PDC: variants seen among roughly 807,000 people sequenced by gnomAD.
The protein encoded by PDC is 33 kDa phototransducing protein.
PDC carries 19 observed loss-of-function variants against 22.2 expected under a neutral mutation model. The ratio of observed to expected loss-of-function variants is 0.86; its 90% CI spans 0.60 to 1.26. The LOEUF (loss-of-function observed/expected upper bound fraction) is 1.26, where lower values mean the gene tolerates loss of function less well. Among genes scored for constraint, PDC ranks in the 50% most tolerant of loss-of-function variants. The pLI is 0.00. For missense variants in PDC, 274 were observed against 286.8 expected, an observed-to-expected ratio of 0.96 and a Z score of 0.32; for synonymous variants, 97 against 96.2, an observed-to-expected ratio of 1.01 and a Z score of -0.05.
intron 2 of PDC, 66 bp downstream of exon 2, chr1:186,449,333 A>G: frequency 1.1e-6 from 1 of 893,196 alleles, no homozygotes; most frequent in Non-Finnish European, 1.8e-6. Context: ...AGTGTCAATA[A>G]GAACATTAGA....
intron 3 of PDC, among the ~76,000 whole-genome samples, chr1:186,446,128 A>G (rs1662222703): frequency 6.6e-6 from 1 of 152,188 alleles, no homozygotes; most frequent in Non-Finnish European, 1.5e-5. Flanking sequence ...ATGTTTTCAA[A>G]ACAAGTGGAG....
intron 1 of PDC, chr1:186,451,712 CT>C (rs1209786081): frequency 1.3e-5 from 2 of 152,138 alleles, no homozygotes; most frequent in African/African-American, 2.4e-5. Flanking sequence ...AAAGAAATTC[CT>C]TTTCCAGAAA....
In PDC at chr1:186,443,836, A is replaced by G. The variant is rs775415727; in HGVS notation, c.*143T>C. 3.1e-6 allele frequency: 2 copies of G among 642,802 alleles called. No homozygotes were observed. Among genetic ancestry groups the G allele is most frequent in the Admixed American group, 2.7e-5 (1 of 36,804 alleles). 39.8% of individuals were successfully genotyped at this position (642,802 alleles called of 1,614,324 possible). A position where few individuals can be genotyped will look rare whatever the true frequency, so the allele number is the denominator to read the frequency against. On this transcript the variant is annotated 3_prime_UTR_variant, in exon 4 of 4. Coordinates refer to ENST00000391997, the MANE Select transcript of PDC (RefSeq NM_002597.5). ...GAGTAACTAATACTAAGAAATGCTAATAACTCGATTGTTGCATCAGTCATT... is the reference window on the plus strand; with the variant it reads ...GAGTAACTAATACTAAGAAATGCTAGTAACTCGATTGTTGCATCAGTCATT...
intron 1 of PDC, among the ~76,000 whole-genome samples, chr1:186,456,721 CTG>C (rs1359664557): frequency 6.6e-6 from 1 of 152,128 alleles, no homozygotes; most frequent in Non-Finnish European, 1.5e-5. Context: ...GAATAAGAAA[CTG>C]TTTCAGAGAA....
At chr1:186,457,686 A>G (rs1206797987) in intron 1 of PDC, among the ~76,000 whole-genome samples, 1 of 152,192 alleles carries the variant, frequency 6.6e-6, no homozygotes, top group Non-Finnish European at 1.5e-5. Context: ...TGGTGGTATC[A>G]TAATAAGAGT....
At chr1:186,446,754 C>T (rs1662238639) in intron 2 of PDC, among the ~76,000 whole-genome samples, 177 bp from the exon 3 acceptor site, 1 of 152,162 alleles carries the variant, frequency 6.6e-6, no homozygotes, top group Non-Finnish European at 1.5e-5. Flanking sequence ...TATGCTCCCA[C>T]ATTAATCTTG....
At chr1:186,457,781 T>A (rs1388250323) in intron 1 of PDC, among the ~76,000 whole-genome samples, 1 of 152,180 alleles carries the variant, frequency 6.6e-6, no homozygotes, top group Non-Finnish European at 1.5e-5. Flanking sequence ...TAGAAAATTG[T>A]TGGCAGTCAG....
At chr1:186,445,599 G>A (rs1301399555) in intron 3 of PDC, among the ~76,000 whole-genome samples, 1 of 152,102 alleles carries the variant, frequency 6.6e-6, no homozygotes, top group African/African-American at 2.4e-5. Context: ...AAGGTGGATT[G>A]TTTGAGCCCA....
chr1:186,454,432 C>A (rs781733744), intron 1 of PDC, among the ~76,000 whole-genome samples: 1 of 151,290 alleles, frequency 6.6e-6, no homozygotes, highest in Admixed American at 6.6e-5. Flanking sequence ...CCTCAGCCTC[C>A]CAAAGTGGCT....
chr1:186,446,162 T>C (rs2102127962), intron 3 of PDC, among the ~76,000 whole-genome samples: 1 of 152,364 alleles, frequency 6.6e-6, no homozygotes, highest in Non-Finnish European at 1.5e-5. Context: ...ATTCCCCAGA[T>C]GGAATTCTCT....
At chr1:186,459,545 G>A (rs1369849402) in intron 1 of PDC, among the ~76,000 whole-genome samples, 1 of 151,782 alleles carries the variant, frequency 6.6e-6, no homozygotes, top group Non-Finnish European at 1.5e-5. Context: ...ACATATTCCT[G>A]TACATATTGT....
At chr1:186,454,175 T>C (rs1295355882) in intron 1 of PDC, among the ~76,000 whole-genome samples, 4 of 136,376 alleles carry the variant, frequency 2.9e-5, no homozygotes, top group Non-Finnish European at 6.2e-5. Context: ...TTTCTTTTTT[T>C]TTTTTTTTTT....
rs56927589 is a variant in PDC at position 186,459,752 on chromosome 1, GTATA to G, written c.-25+1303_-25+1306del. Among the ~76,000 whole-genome samples, 174 of 112,106 alleles carry G rather than the reference GTATA, an allele frequency of 1.6e-3. 1 individual carries two copies. The highest frequency in any genetic ancestry group is 0.015 in the East Asian group (60 of 3,964). 73.5% of individuals were successfully genotyped at this position (112,106 alleles called of 152,430 possible). On this transcript the variant is annotated intron_variant, in intron 1 of 3. Transcript: ENST00000391997. Reference sequence around the variant, plus strand: ...TACAATGGACAATATGTGTGTGTGTGTATATATATATATATATATATATATATAT... The same window carrying G: ...TACAATGGACAATATGTGTGTGTGTGTATATATATATATATATATATATAT...
At chr1:186,449,089 T>C (rs1379316117) in intron 2 of PDC, among the ~76,000 whole-genome samples, 1 of 152,002 alleles carries the variant, frequency 6.6e-6, no homozygotes, top group Non-Finnish European at 1.5e-5. Flanking sequence ...ATACTGAGGG[T>C]GGGGTACAAT....
intron 3 of PDC, 82 bp from the exon 4 acceptor site, chr1:186,444,588 G>T: frequency 1.1e-6 from 1 of 885,318 alleles, no homozygotes; most frequent in African/African-American, 1.7e-5. Flanking sequence ...AACCGAAGGA[G>T]TGTACTTTTG....
intron 1 of PDC, 65 bp downstream of exon 1, chr1:186,460,994 C>A (rs1662571509): frequency 6.5e-6 from 1 of 154,570 alleles, no homozygotes; most frequent in Non-Finnish European, 1.5e-5. Flanking sequence ...CAGTGAATCA[C>A]CATTCTTTCC....
At chr1:186,447,479 A>G (rs1662257746) in intron 2 of PDC, among the ~76,000 whole-genome samples, 2 of 152,156 alleles carry the variant, frequency 1.3e-5, no homozygotes, top group Non-Finnish European at 2.9e-5. Context: ...AACTAATTAA[A>G]TGAAGGATGA....
At chr1:186,452,446 C>T (rs1010655932) in intron 1 of PDC, among the ~76,000 whole-genome samples, 1 of 152,080 alleles carries the variant, frequency 6.6e-6, no homozygotes, top group Non-Finnish European at 1.5e-5. Context: ...CCATGTTGTC[C>T]AGGCTGGTCT....
chr1:186,449,271 T>C (rs1662298407), intron 2 of PDC, 128 bp downstream of exon 2: 2 of 446,896 alleles, frequency 4.5e-6, no homozygotes, highest in Non-Finnish European at 3.8e-6. Flanking sequence ...AAATATTTTT[T>C]AGATTAGCAT....
Sources: allele counts gnomAD v4.1 joint callset (sites outside exome capture counted in the v4.1 genomes callset), GRCh38; gene constraint gnomAD v4.1.1; transcripts MANE v1.5; gene names NCBI Gene and HGNC (gene_info 2026-07-23, HGNC 2026-07-21).